The following GALNT2 variants were observed in gnomAD, a reference collection of about 807,000 sequenced individuals.
GALNT2 encodes the protein polypeptide N-acetylgalactosaminyltransferase 2.
Under a neutral mutation model 81.4 loss-of-function variants are expected in GALNT2, and 31 were observed. That is an observed-to-expected ratio of 0.38 (90% CI 0.29 to 0.51). The LOEUF (loss-of-function observed/expected upper bound fraction) is 0.51, where lower values mean the gene tolerates loss of function less well. Ranked by LOEUF, GALNT2 falls within the 20% of genes least tolerant of loss-of-function variation. The pLI is 0.87. For missense variants in GALNT2, 629 were observed against 765.7 expected, an observed-to-expected ratio of 0.82 and a Z score of 2.11; for synonymous variants, 303 against 287.4, an observed-to-expected ratio of 1.05 and a Z score of -0.55.
chr1:230,254,037 T>C (rs1032906201), intron 10 of GALNT2, among the ~76,000 whole-genome samples: 1 of 152,200 alleles, frequency 6.6e-6, no homozygotes, highest in African/African-American at 2.4e-5. Context: ...CCTAACATGT[T>C]CTTAGGGATC....
At chr1:230,170,956 G>A (rs564238050) in intron 1 of GALNT2, among the ~76,000 whole-genome samples, 1 of 152,172 alleles carries the variant, frequency 6.6e-6, no homozygotes, top group Non-Finnish European at 1.5e-5. Context: ...CAGCTATCCA[G>A]ATGAAATCAC....
chr1:230,209,265 T>C (rs1468424200), intron 3 of GALNT2, among the ~76,000 whole-genome samples: 2 of 152,072 alleles, frequency 1.3e-5, no homozygotes, highest in Admixed American at 1.3e-4. Context: ...TCAAGTTTCT[T>C]ACGTTGAAGT....
intron 1 of GALNT2, among the ~76,000 whole-genome samples, chr1:230,163,775 G>A (rs1662511810): frequency 6.6e-6 from 1 of 152,246 alleles, no homozygotes; most frequent in Admixed American, 6.5e-5. Context: ...GTTGGACCAG[G>A]GAAGCTAAGA....
chr1:230,113,102 T>G (rs548174079), intron 1 of GALNT2, among the ~76,000 whole-genome samples: 1 of 152,218 alleles, frequency 6.6e-6, no homozygotes, highest in South Asian at 2.1e-4. Context: ...AGGAAGTGTC[T>G]TACCCCCATG....
chr1:230,250,675 TCG>T, intron 10 of GALNT2, 115 bp downstream of exon 10: 1 of 668,836 alleles, frequency 1.5e-6, no homozygotes. Context: ...CTGGGCTTAA[TCG>T]ATCCTTGCAA....
intron 10 of GALNT2, among the ~76,000 whole-genome samples, chr1:230,251,868 A>G (rs535745764): frequency 1.3e-5 from 2 of 152,236 alleles, no homozygotes; most frequent in African/African-American, 2.4e-5. Flanking sequence ...GTTGATTTAC[A>G]TATCTAAGGA....
chr1:230,196,134 G>A (rs1161898591), intron 2 of GALNT2, among the ~76,000 whole-genome samples: 2 of 152,228 alleles, frequency 1.3e-5, no homozygotes, highest in Non-Finnish European at 2.9e-5. Flanking sequence ...TTCAGCCCAG[G>A]CTAGAGGATT....
chr1:230,061,508 A>AT, intron 1 of GALNT2, among the ~76,000 whole-genome samples: 1 of 152,250 alleles, frequency 6.6e-6, no homozygotes, highest in East Asian at 1.9e-4. Flanking sequence ...AGTTATGAAT[A>AT]TTTTTTTAAG....
At chr1:230,099,598 A>G (rs1194643746) in intron 1 of GALNT2, among the ~76,000 whole-genome samples, 1 of 152,200 alleles carries the variant, frequency 6.6e-6, no homozygotes, top group Non-Finnish European at 1.5e-5. Flanking sequence ...CTCCATTGCC[A>G]TGGCCAAGTC....
intron 1 of GALNT2, among the ~76,000 whole-genome samples, chr1:230,112,383 A>AGGGGGGGG (rs11432825): frequency 7.5e-6 from 1 of 133,882 alleles, no homozygotes; most frequent in African/African-American, 2.9e-5. Context: ...GCGCCGGGGG[A>AGGGGGGGG]GGGGGGGGGC....
intron 1 of GALNT2, among the ~76,000 whole-genome samples, chr1:230,098,588 G>A (rs961863395): frequency 2.6e-5 from 4 of 151,880 alleles, no homozygotes; most frequent in African/African-American, 7.3e-5. Flanking sequence ...GGAGCCCCAC[G>A]CCATTACCCC....
At chr1:230,189,570 G>A (rs1243675624) in intron 2 of GALNT2, among the ~76,000 whole-genome samples, 1 of 152,238 alleles carries the variant, frequency 6.6e-6, no homozygotes, top group Admixed American at 6.5e-5. Flanking sequence ...CAGCATCAGA[G>A]AGGAGTGTTC....
At chr1:230,247,068 T>A (rs1238223032) in intron 8 of GALNT2, among the ~76,000 whole-genome samples, 1 of 149,870 alleles carries the variant, frequency 6.7e-6, no homozygotes, top group Non-Finnish European at 1.5e-5. Flanking sequence ...AACAAGACTC[T>A]TGTCTCTATT....
intron 2 of GALNT2, among the ~76,000 whole-genome samples, chr1:230,183,892 C>A (rs367976941): frequency 3.3e-5 from 5 of 151,706 alleles, no homozygotes; most frequent in African/African-American, 1.2e-4. Context: ...GCAGGAGAAT[C>A]GCTGGAACCT....
chr1:230,155,756 A>G (rs1015705878), intron 1 of GALNT2, among the ~76,000 whole-genome samples: 1 of 152,212 alleles, frequency 6.6e-6, no homozygotes, highest in Non-Finnish European at 1.5e-5. Context: ...CAAATGGCCC[A>G]TCCTGACTGG....
intron 2 of GALNT2, among the ~76,000 whole-genome samples, chr1:230,190,082 C>G (rs1462862617): frequency 6.6e-6 from 1 of 152,156 alleles, no homozygotes; most frequent in East Asian, 1.9e-4. Context: ...GGCCTGAGGC[C>G]AGTGATCTGC....
rs573478928 is a variant in GALNT2, at chr1:230,100,310, C to CT, written c.126+32930dup. On this transcript the variant is annotated intron_variant, in intron 1 of 15. Transcript: ENST00000366672. ...GGATGCCCAGGGTATCTTTTTATTCCTTTTTTTTTTTTTTTTTTTTTTTTT... is the reference window on the plus strand; with the variant it reads ...GGATGCCCAGGGTATCTTTTTATTCCTTTTTTTTTTTTTTTTTTTTTTTTTT... 2.1e-3 allele frequency among the ~76,000 whole-genome samples: 176 copies of CT among 85,774 alleles called. 5 individuals are homozygous for CT. The highest frequency in any genetic ancestry group is 4.1e-3 in the Admixed American group (28 of 6,800). The allele number at this position is 85,774 out of a possible 152,430, so 56.3% of individuals were successfully genotyped here. A position where few individuals can be genotyped will look rare whatever the true frequency, so the allele number is the denominator to read the frequency against.
intron 1 of GALNT2, among the ~76,000 whole-genome samples, chr1:230,106,817 C>T (rs529680586): frequency 3.3e-5 from 5 of 152,280 alleles, no homozygotes; most frequent in African/African-American, 9.6e-5. Context: ...CCCTTTCATG[C>T]TCACAGGTGC....
At chr1:230,108,820 G>T (rs1660615448) in intron 1 of GALNT2, among the ~76,000 whole-genome samples, 1 of 150,258 alleles carries the variant, frequency 6.7e-6, no homozygotes, top group Non-Finnish European at 1.5e-5. Context: ...CACTGACATT[G>T]CCCGGCATTG....
Sources: allele counts gnomAD v4.1 joint callset (sites outside exome capture counted in the v4.1 genomes callset), GRCh38; gene constraint gnomAD v4.1.1; transcripts MANE v1.5; gene names NCBI Gene and HGNC (gene_info 2026-07-23, HGNC 2026-07-21).